The following NOS1AP variants were observed in gnomAD, a reference collection of about 807,000 sequenced individuals.
The protein encoded by NOS1AP is nitric oxide synthase 1 adaptor protein.
NOS1AP carries 21 observed loss-of-function variants against 56.2 expected under a neutral mutation model. The observed-to-expected ratio is 0.37, with a 90% CI of 0.26 to 0.54. The LOEUF is 0.54. NOS1AP is among the 20% of genes least tolerant of loss of function. NOS1AP has a pLI of 0.84. For missense variants in NOS1AP, 522 were observed against 657.8 expected (o/e 0.79, Z 2.26); for synonymous variants, 270 against 274.6 (o/e 0.98, Z 0.17).
chr1:162,326,889 A>G lies in NOS1AP; in HGVS notation c.345-6128A>G, dbSNP rs1021133769. 2.6e-5 allele frequency among the ~76,000 whole-genome samples: 4 copies of G among 152,230 alleles called. 1 individual carries two copies. In the South Asian group the frequency reaches 8.3e-4, roughly 32 times the overall value. On this transcript the variant is annotated intron_variant, in intron 4 of 9. Transcript: ENST00000361897. ...CAGAGACTGAAAGAGGGAATAAAGG[A>G]TGAGAACTTGAAGACAACATAATTG... is the stretch of plus-strand genomic sequence containing the variant.
chr1:162,295,216 A>G (rs1655417768), intron 3 of NOS1AP, among the ~76,000 whole-genome samples: 1 of 152,062 alleles, frequency 6.6e-6, no homozygotes, highest in Non-Finnish European at 1.5e-5. Flanking sequence ...TTCCAATCCC[A>G]TCTGAACTGA....
chr1:162,299,708 C>A (rs1161467196), intron 3 of NOS1AP, among the ~76,000 whole-genome samples: 3 of 152,186 alleles, frequency 2.0e-5, no homozygotes, highest in Non-Finnish European at 4.4e-5. Context: ...AAATCCACCT[C>A]TATGGATCAT....
chr1:162,170,366 G>T (rs1367890216), intron 2 of NOS1AP, among the ~76,000 whole-genome samples: 1 of 152,186 alleles, frequency 6.6e-6, no homozygotes, highest in Non-Finnish European at 1.5e-5. Context: ...TGAGATCTAG[G>T]CTGAGTAACT....
intron 8 of NOS1AP, among the ~76,000 whole-genome samples, chr1:162,358,391 GT>G (rs1462733896): frequency 2.0e-5 from 3 of 152,152 alleles, no homozygotes; most frequent in African/African-American, 7.2e-5. Context: ...TTGCAGCCAG[GT>G]TTCAGGAGAG....
At chr1:162,261,515 A>AGAAGAGAG (rs1654229043) in intron 2 of NOS1AP, among the ~76,000 whole-genome samples, 1 of 24,604 alleles carries the variant, frequency 4.1e-5, no homozygotes, top group Non-Finnish European at 1.3e-4. Context: ...AGAGAGAGAG[A>AGAAGAGAG]GAGAGAGAGA....
intron 1 of NOS1AP, among the ~76,000 whole-genome samples, chr1:162,144,835 AAAT>A (rs1305673814): frequency 6.6e-6 from 1 of 152,172 alleles, no homozygotes; most frequent in Non-Finnish European, 1.5e-5. Context: ...CTCATAATAG[AAAT>A]AATCAGGCCA....
intron 1 of NOS1AP, among the ~76,000 whole-genome samples, chr1:162,080,554 A>T (rs542760395): frequency 1.8e-4 from 28 of 152,334 alleles, no homozygotes; most frequent in African/African-American, 6.7e-4. Context: ...GCACCCTGTA[A>T]CATTCTGAAT....
chr1:162,326,765 G>A (rs1656603220), intron 4 of NOS1AP, among the ~76,000 whole-genome samples: 1 of 152,184 alleles, frequency 6.6e-6, no homozygotes, highest in South Asian at 2.1e-4. Flanking sequence ...CAGGCAGGAG[G>A]CATTCCCTCT....
At chr1:162,072,523 A>G (rs1123015) in intron 1 of NOS1AP, among the ~76,000 whole-genome samples, 29 of 152,002 alleles carry the variant, frequency 1.9e-4, no homozygotes. Context: ...CTGTTTTCCC[A>G]ATGCAAATGA....
intron 2 of NOS1AP, among the ~76,000 whole-genome samples, chr1:162,221,530 G>GCA (rs1225944628): frequency 0.027 from 1,710 of 62,512 alleles, 18 homozygotes; most frequent in Middle Eastern, 0.09. Flanking sequence ...GCACACACAC[G>GCA]CGCGCACACA....
rs115963211 is a variant in NOS1AP, at chr1:162,266,062, C to T, written c.178-21282C>T. Among the ~76,000 whole-genome samples the T allele has an allele frequency of 5.3e-3, 802 of 152,256 alleles. 7 individuals carry two copies. Among genetic ancestry groups the T allele is most frequent in the African/African-American group, 0.018 (755 of 41,542 alleles). Reference sequence around the variant, plus strand: ...TGGTGTCTCTTCAGGTGTTTAGGAGCTGCCACAGGTCATTTCTATTTTTGT... The same window carrying T: ...TGGTGTCTCTTCAGGTGTTTAGGAGTTGCCACAGGTCATTTCTATTTTTGT... On this transcript the variant is annotated intron_variant, in intron 2 of 9. Coordinates refer to ENST00000361897, the MANE Select transcript of NOS1AP (RefSeq NM_014697.3).
chr1:162,083,720 C>A (rs2102017013), intron 1 of NOS1AP, among the ~76,000 whole-genome samples: 1 of 152,308 alleles, frequency 6.6e-6, no homozygotes, highest in South Asian at 2.1e-4. Flanking sequence ...AAGGAAATTA[C>A]CTGCAAATTC....
intron 1 of NOS1AP, among the ~76,000 whole-genome samples, chr1:162,072,525 T>A (rs1306885777): frequency 6.6e-6 from 1 of 152,168 alleles, no homozygotes; most frequent in East Asian, 1.9e-4. Flanking sequence ...GTTTTCCCAA[T>A]GCAAATGAGA....
chr1:162,217,325 A>G (rs1327355599), intron 2 of NOS1AP, among the ~76,000 whole-genome samples: 3 of 121,600 alleles, frequency 2.5e-5, no homozygotes, highest in Non-Finnish European at 4.9e-5. Flanking sequence ...GTGCAATGGC[A>G]CGATCTCGGC....
intron 1 of NOS1AP, among the ~76,000 whole-genome samples, chr1:162,133,695 C>A (rs1648854537): frequency 6.6e-6 from 1 of 152,198 alleles, no homozygotes; most frequent in South Asian, 2.1e-4. Flanking sequence ...TTTTATGAAA[C>A]ATCTCCAAAG....
intron 1 of NOS1AP, among the ~76,000 whole-genome samples, chr1:162,076,971 T>C (rs1691783218): frequency 6.6e-6 from 1 of 152,250 alleles, no homozygotes; most frequent in South Asian, 2.1e-4. Flanking sequence ...ATACCACATT[T>C]GGTTTGTTCA....
intron 8 of NOS1AP, chr1:162,363,396 C>A (rs749750487): frequency 3.3e-5 from 5 of 152,646 alleles, no homozygotes; most frequent in African/African-American, 9.7e-5. Flanking sequence ...GCCCTCCCAA[C>A]GTGCACCACC....
chr1:162,070,282 G>T lies in NOS1AP; in HGVS notation c.105G>T (p.Lys35Asn). Reference protein sequence around the residue: ...AFQHGICFEAKYVGSLDVPRP... With the variant: ...AFQHGICFEANYVGSLDVPRP... ...AGCACGGCATCTGCTTTGAGGCCAA[G>T]GTGAGGGGGCTCCGGGGAGGGTGCT... Residue 35 changes from lysine to asparagine, a missense_variant and splice_region_variant, in exon 1 of 10, where the codon AAG (lysine) becomes AAT (asparagine). Physicochemically the swap from Lys to Asn is moderately conservative, Grantham distance 94. Transcript: ENST00000361897. The T allele has an allele frequency of 6.2e-7, 1 of 1,612,184 alleles. No homozygotes were observed. Among genetic ancestry groups the T allele is most frequent in the East Asian group, 2.2e-5 (1 of 44,816 alleles).
At chr1:162,295,505 C>G (rs1655428340) in intron 3 of NOS1AP, among the ~76,000 whole-genome samples, 1 of 151,836 alleles carries the variant, frequency 6.6e-6, no homozygotes, top group African/African-American at 2.4e-5. Flanking sequence ...TATTTTTCTG[C>G]TCATTTCAAA....
Sources: gnomAD v4.1 joint callset for allele counts (sites outside exome capture counted in the v4.1 genomes callset) on GRCh38, gnomAD v4.1.1 for gene constraint, MANE v1.5 for transcripts, NCBI Gene and HGNC (gene_info 2026-07-23, HGNC 2026-07-21) for gene names.